DLG2: variants seen among roughly 807,000 people sequenced by gnomAD.
DLG2 encodes the protein disks large homolog 2.
Under a neutral mutation model 132.5 loss-of-function variants are expected in DLG2, and 45 were observed. The observed-to-expected ratio is 0.34, with a 90% CI of 0.27 to 0.44. The LOEUF (loss-of-function observed/expected upper bound fraction) is 0.44. DLG2 is among the 20% of genes least tolerant of loss of function. The probability of loss-of-function intolerance (pLI) is 1.00; values close to 1 mark genes in which losing one functional copy is unlikely to be tolerated. For synonymous variants in DLG2, 424 were observed against 419.6 expected (o/e 1.01, Z -0.13); for missense variants, 1,045 against 1,196.9 (o/e 0.87, Z 1.87).
chr11:84,924,980 T>C (rs1281266537), intron 6 of DLG2, among the ~76,000 whole-genome samples: 2 of 152,178 alleles, frequency 1.3e-5, no homozygotes, highest in Non-Finnish European at 2.9e-5. Flanking sequence ...TCACATTTCC[T>C]GCAGCTCTTC....
intron 7 of DLG2, among the ~76,000 whole-genome samples, chr11:84,253,928 C>T (rs560337172): frequency 1.2e-4 from 19 of 152,210 alleles, no homozygotes; most frequent in Non-Finnish European, 2.1e-4. Flanking sequence ...GAGTACCATA[C>T]AAGAACTAGA....
chr11:83,963,100 T>C, intron 13 of DLG2, 77 bp from the exon 14 acceptor site: 1 of 1,501,648 alleles, frequency 6.7e-7, no homozygotes, highest in South Asian at 1.2e-5. Context: ...TTCAGAAAAA[T>C]GTATTAAAAA....
intron 3 of DLG2, among the ~76,000 whole-genome samples, chr11:85,527,308 C>A (rs1598284934): frequency 6.6e-6 from 1 of 151,874 alleles, no homozygotes; most frequent in South Asian, 2.1e-4. Flanking sequence ...TTAAGCCCCA[C>A]ATGCATTAGG....
At chr11:85,011,405 C>A (rs1174880716) in intron 6 of DLG2, among the ~76,000 whole-genome samples, 1 of 152,112 alleles carries the variant, frequency 6.6e-6, no homozygotes, top group Non-Finnish European at 1.5e-5. Context: ...AAGTCATTGG[C>A]ACTACATAGA....
rs2094185112 is a variant in DLG2 at position 85,517,143 on chromosome 11, C to T, written c.40+81514G>A. ...AATATATGCAAATCAATAAATGTAA[C>T]TCATCATATAAAGATAATTAAAATC... On this transcript the variant is annotated intron_variant, in intron 3 of 27. Coordinates refer to ENST00000376104, the MANE Select transcript of DLG2 (RefSeq NM_001142699.3). 2.0e-5 allele frequency among the ~76,000 whole-genome samples: 3 copies of T among 151,812 alleles called. No individual in the cohort carries two copies. In the South Asian group the frequency reaches 6.2e-4, roughly 31 times the overall value.
chr11:84,779,891 CA>C lies in DLG2; in HGVS notation c.358-245161del, dbSNP rs111448212. Among the ~76,000 whole-genome samples the C allele has an allele frequency of 1.1e-3, 167 of 146,292 alleles. 3 individuals are homozygous for C. The highest frequency in any genetic ancestry group is 3.7e-3 in the African/African-American group (149 of 39,844). Reference sequence around the variant, plus strand: ...GATCAATAACAAAACAATCTCTCAACAAAAAAAAAAGCCCAGGACCAGGACC... The same window carrying C: ...GATCAATAACAAAACAATCTCTCAACAAAAAAAAAGCCCAGGACCAGGACC... On this transcript the variant is annotated intron_variant, in intron 6 of 27. Coordinates refer to ENST00000376104, the MANE Select transcript of DLG2 (RefSeq NM_001142699.3).
intron 6 of DLG2, among the ~76,000 whole-genome samples, chr11:84,837,920 CCCA>C (rs995374023): frequency 6.6e-6 from 1 of 151,650 alleles, no homozygotes; most frequent in African/African-American, 2.4e-5. Context: ...ACTCCCAGGC[CCCA>C]CACCAGACTC....
intron 14 of DLG2, among the ~76,000 whole-genome samples, chr11:83,957,091 T>C (rs866873453): frequency 6.6e-6 from 1 of 152,228 alleles, no homozygotes; most frequent in African/African-American, 2.4e-5. Context: ...TGTGATAAAA[T>C]ATACAAGATT....
At chr11:85,392,286 T>C (rs2086866268) in intron 3 of DLG2, among the ~76,000 whole-genome samples, 1 of 151,858 alleles carries the variant, frequency 6.6e-6, no homozygotes, top group African/African-American at 2.4e-5. Context: ...AGAAATCATA[T>C]ATGACACAAA....
intron 8 of DLG2, among the ~76,000 whole-genome samples, chr11:84,173,909 G>A (rs917997331): frequency 6.6e-6 from 1 of 151,302 alleles, no homozygotes; most frequent in East Asian, 1.9e-4. Flanking sequence ...CTCTGTCCAC[G>A]GCAGTGATGA....
intron 6 of DLG2, among the ~76,000 whole-genome samples, chr11:84,605,133 T>A (rs540986992): frequency 6.6e-6 from 1 of 152,098 alleles, no homozygotes; most frequent in South Asian, 2.1e-4. Flanking sequence ...AAGCATTTTG[T>A]TCAAGGTTAA....
At chr11:84,747,420 T>A (rs906699902) in intron 6 of DLG2, among the ~76,000 whole-genome samples, 1 of 152,190 alleles carries the variant, frequency 6.6e-6, no homozygotes, top group Non-Finnish European at 1.5e-5. Flanking sequence ...TTTAGTAATT[T>A]TGAGGCAGAA....
chr11:83,981,273 A>G (rs1284717508), intron 11 of DLG2, among the ~76,000 whole-genome samples: 6 of 152,140 alleles, frequency 3.9e-5, no homozygotes, highest in Admixed American at 3.9e-4. Flanking sequence ...ACCTTGTCAT[A>G]TTTTATATTT....
chr11:84,672,469 G>C (rs2099706944), intron 6 of DLG2, among the ~76,000 whole-genome samples: 2 of 152,150 alleles, frequency 1.3e-5, no homozygotes, highest in South Asian at 4.1e-4. Context: ...ATTTTTAATA[G>C]AGAAGTTGTC....
intron 4 of DLG2, among the ~76,000 whole-genome samples, chr11:85,165,377 C>T (rs537366690): frequency 6.6e-6 from 1 of 152,300 alleles, no homozygotes; most frequent in South Asian, 2.1e-4. Context: ...TGGAGTCATT[C>T]ATGCTAGGTA....
At chr11:85,297,653 C>A (rs11824846) in intron 3 of DLG2, among the ~76,000 whole-genome samples, 3 of 151,976 alleles carry the variant, frequency 2.0e-5, no homozygotes, top group African/African-American at 7.3e-5. Context: ...CTTTCATTCC[C>A]TTCCTGAACA....
At chr11:84,416,298 T>A (rs925959056) in intron 7 of DLG2, among the ~76,000 whole-genome samples, 1 of 152,214 alleles carries the variant, frequency 6.6e-6, no homozygotes, top group Non-Finnish European at 1.5e-5. Flanking sequence ...AAAAAGAAAC[T>A]GAATGTCACA....
chr11:85,467,017 G>A (rs1231076237), intron 3 of DLG2, among the ~76,000 whole-genome samples: 5 of 152,082 alleles, frequency 3.3e-5, no homozygotes, highest in Non-Finnish European at 5.9e-5. Context: ...CCTTGAAGAG[G>A]TCCTTCAAAT....
At chr11:85,267,890 G>GTA (rs977976682) in intron 4 of DLG2, among the ~76,000 whole-genome samples, 3 of 151,640 alleles carry the variant, frequency 2.0e-5, no homozygotes, top group Admixed American at 6.6e-5. Flanking sequence ...TTGTATGTGT[G>GTA]TGTGTGTGTG....
Sources: allele counts gnomAD v4.1 joint callset (sites outside exome capture counted in the v4.1 genomes callset), GRCh38; gene constraint gnomAD v4.1.1; transcripts MANE v1.5; gene names NCBI Gene and HGNC (gene_info 2026-07-23, HGNC 2026-07-21).